Variants in LRRC4C observed in about 807,000 individuals in gnomAD.
The protein encoded by LRRC4C is leucine-rich repeat-containing protein 4C.
In LRRC4C, 5 loss-of-function variants were observed where a neutral mutation model predicts 33.6. The ratio of observed to expected loss-of-function variants is 0.15; its 90% confidence interval spans 0.08 to 0.31. The LOEUF (loss-of-function observed/expected upper bound fraction) is 0.31. LRRC4C is among the 10% of genes least tolerant of loss of function. The probability of loss-of-function intolerance (pLI) is 1.00; values close to 1 mark genes in which losing one functional copy is unlikely to be tolerated. For synonymous variants in LRRC4C, 329 were observed against 302.0 expected (o/e 1.09, Z -0.93); for missense variants, 560 against 796.7 (o/e 0.70, Z 3.58).
rs5791366 is a variant in LRRC4C at position 40,283,693 on chromosome 11, C to CTT, written c.-176+35933_-176+35934dup. Among the ~76,000 whole-genome samples, 13 of 59,294 alleles carry CTT rather than the reference C, an allele frequency of 2.2e-4. 1 individual carries two copies. The South Asian group carries it at 9.2e-3, about 42-fold the overall frequency. The allele number at this position is 59,294 out of a possible 152,430, so 38.9% of individuals were successfully genotyped here. ...AGAAGAATAAGATGAGGTCCATATT[C>CTT]TTTTTTTTTTTTTTTTTTTTTTTTT... On this transcript the variant is annotated intron_variant, in intron 4 of 6. Transcript: ENST00000528697.
intron 2 of LRRC4C, among the ~76,000 whole-genome samples, chr11:40,721,945 AAAAT>A (rs1478621320): frequency 6.6e-6 from 1 of 152,206 alleles, no homozygotes; most frequent in Non-Finnish European, 1.5e-5. Flanking sequence ...ACTCCCTCTC[AAAAT>A]AAATAAATAA....
intron 1 of LRRC4C, among the ~76,000 whole-genome samples, chr11:41,411,390 C>T (rs572882877): frequency 5.3e-5 from 8 of 151,474 alleles, no homozygotes; most frequent in South Asian, 4.2e-4. Context: ...CCTTGTGATC[C>T]GCCCACCTCC....
chr11:41,192,124 A>G (rs1212314087), intron 1 of LRRC4C, among the ~76,000 whole-genome samples: 1 of 152,122 alleles, frequency 6.6e-6, no homozygotes, highest in Non-Finnish European at 1.5e-5. Flanking sequence ...TTCTGTGGCT[A>G]TTAATCTAAA....
At chr11:40,941,787 A>G (rs1958157587) in intron 1 of LRRC4C, among the ~76,000 whole-genome samples, 1 of 152,176 alleles carries the variant, frequency 6.6e-6, no homozygotes, top group Admixed American at 6.6e-5. Flanking sequence ...GCTAAAAATA[A>G]ATGAAGTAAG....
chr11:40,611,228 T>A (rs1961185304), intron 3 of LRRC4C, among the ~76,000 whole-genome samples: 1 of 151,746 alleles, frequency 6.6e-6, no homozygotes, highest in African/African-American at 2.4e-5. Context: ...GCATATACAG[T>A]TAAATGATCT....
chr11:41,234,309 G>T (rs1947928895), intron 1 of LRRC4C, among the ~76,000 whole-genome samples: 1 of 151,916 alleles, frequency 6.6e-6, no homozygotes, highest in Non-Finnish European at 1.5e-5. Flanking sequence ...TTGTGAATTG[G>T]CTAAAATGAG....
intron 3 of LRRC4C, among the ~76,000 whole-genome samples, chr11:40,398,851 C>T (rs941012312): frequency 2.6e-5 from 4 of 152,066 alleles, no homozygotes; most frequent in Non-Finnish European, 4.4e-5. Context: ...GAATAAGCAA[C>T]AACACTGTCA....
chr11:41,003,196 A>C lies in LRRC4C; in HGVS notation c.-495-69473T>G, dbSNP rs1350024589. 3.3e-5 allele frequency among the ~76,000 whole-genome samples: 5 copies of C among 152,190 alleles called. No individual in the cohort carries two copies. In the East Asian group the frequency reaches 7.7e-4, roughly 23 times the overall value. On this transcript the variant is annotated intron_variant, in intron 1 of 6. Coordinates refer to ENST00000528697, the MANE Select transcript of LRRC4C (RefSeq NM_001258419.2). ...AAAAAGTAAAATACAGTTCTGAAAAAATGTTTTCTTGATATTTCTTTAATT... is the reference window on the plus strand; with the variant it reads ...AAAAAGTAAAATACAGTTCTGAAAACATGTTTTCTTGATATTTCTTTAATT...
At chr11:40,587,957 C>T (rs1215991470) in intron 3 of LRRC4C, among the ~76,000 whole-genome samples, 1 of 151,994 alleles carries the variant, frequency 6.6e-6, no homozygotes, top group African/African-American at 2.4e-5. Flanking sequence ...TGTGTCTCTG[C>T]CCGGCTTTGG....
chr11:41,315,209 A>T (rs1215393722), intron 1 of LRRC4C, among the ~76,000 whole-genome samples: 1 of 152,220 alleles, frequency 6.6e-6, no homozygotes, highest in African/African-American at 2.4e-5. Flanking sequence ...CATCTGTGTT[A>T]CAGGCATATC....
chr11:41,217,060 C>T (rs1184169137), intron 1 of LRRC4C, among the ~76,000 whole-genome samples: 5 of 151,906 alleles, frequency 3.3e-5, no homozygotes, highest in African/African-American at 1.2e-4. Flanking sequence ...TACAACATCC[C>T]TATTTTTCAG....
At chr11:41,019,511 T>A (rs1334868197) in intron 1 of LRRC4C, among the ~76,000 whole-genome samples, 1 of 152,190 alleles carries the variant, frequency 6.6e-6, no homozygotes, top group Non-Finnish European at 1.5e-5. Flanking sequence ...AGTAGAATGA[T>A]TTATATTCCT....
intron 2 of LRRC4C, among the ~76,000 whole-genome samples, chr11:40,740,971 A>T (rs960949866): frequency 6.6e-6 from 1 of 152,064 alleles, no homozygotes; most frequent in East Asian, 1.9e-4. Context: ...ATTTTGTTCA[A>T]CTGGTCTTTA....
intron 3 of LRRC4C, among the ~76,000 whole-genome samples, chr11:40,572,830 G>C (rs373453825): frequency 1.2e-4 from 19 of 152,118 alleles, no homozygotes; most frequent in Non-Finnish European, 2.6e-4. Flanking sequence ...GCACTATTAC[G>C]ATATGCAAAT....
chr11:40,616,654 G>T (rs934587082), intron 3 of LRRC4C, among the ~76,000 whole-genome samples: 10 of 151,564 alleles, frequency 6.6e-5, no homozygotes, highest in African/African-American at 9.7e-5. Context: ...GCAAACTATC[G>T]CAAGGACAAA....
chr11:40,796,968 C>A (rs369059695), intron 2 of LRRC4C, among the ~76,000 whole-genome samples: 2 of 152,014 alleles, frequency 1.3e-5, no homozygotes, highest in South Asian at 2.1e-4. Flanking sequence ...TTTTGATAGA[C>A]CACTATTACT....
intron 1 of LRRC4C, among the ~76,000 whole-genome samples, chr11:41,238,659 A>G (rs1236474731): frequency 6.6e-6 from 1 of 152,220 alleles, no homozygotes; most frequent in Non-Finnish European, 1.5e-5. Context: ...GGGATAGAAT[A>G]TAGACATGAA....
At chr11:40,663,023 G>A (rs112429913) in intron 2 of LRRC4C, among the ~76,000 whole-genome samples, 11 of 152,052 alleles carry the variant, frequency 7.2e-5, no homozygotes, top group African/African-American at 2.7e-4. Flanking sequence ...AATCAATAGG[G>A]CTTCTGTTTT....
At chr11:40,461,985 A>G (rs1249994652) in intron 3 of LRRC4C, among the ~76,000 whole-genome samples, 2 of 151,912 alleles carry the variant, frequency 1.3e-5, no homozygotes, top group Admixed American at 6.6e-5. Context: ...GAACAGGAAG[A>G]CTAGGTGGTC....
Sources: gnomAD v4.1 joint callset for allele counts (sites outside exome capture counted in the v4.1 genomes callset) on GRCh38, gnomAD v4.1.1 for gene constraint, MANE v1.5 for transcripts, NCBI Gene and HGNC (gene_info 2026-07-23, HGNC 2026-07-21) for gene names.